TCF3: variants seen among roughly 807,000 people sequenced by gnomAD.
The protein encoded by TCF3 is transcription factor 3, also known as transcription factor E2-alpha.
A neutral mutation model predicts 72.3 loss-of-function variants in TCF3; 54 were observed. The ratio of observed to expected loss-of-function variants is 0.75; its 90% CI spans 0.60 to 0.94. The LOEUF (loss-of-function observed/expected upper bound fraction) is 0.94. TCF3 is among the 40% of genes least tolerant of loss of function. The probability of loss-of-function intolerance (pLI) is 0.00; values close to 1 mark genes in which losing one functional copy is unlikely to be tolerated. For synonymous variants in TCF3, 525 were observed against 412.6 expected (o/e 1.27, Z -3.30); for missense variants, 1,078 against 934.4 (o/e 1.15, Z -2.00).
At chr19:1,637,905 C>T (rs1018293646) in intron 3 of TCF3, among the ~76,000 whole-genome samples, 23 of 151,406 alleles carry the variant, frequency 1.5e-4, no homozygotes, top group African/African-American at 4.8e-4. Flanking sequence ...CGAGACTCCA[C>T]CTCAAAAAAA....
chr19:1,621,477 A>G (rs1417073113), intron 11 of TCF3, among the ~76,000 whole-genome samples: 13 of 126,274 alleles, frequency 1.0e-4, no homozygotes, highest in African/African-American at 2.2e-4. Flanking sequence ...GGGCCTGGGT[A>G]ACTGAGTCCC....
intron 1 of TCF3, chr19:1,650,685 C>T (rs559120020): frequency 8.4e-6 from 2 of 237,874 alleles, no homozygotes; most frequent in African/African-American, 4.4e-5. Context: ...GCCCCCTACC[C>T]CCGGGAAAGG....
chr19:1,621,917 G>A lies in TCF3; in HGVS notation c.876C>T (p.Ser292=), dbSNP rs898195563. ...EVNGGLPSAS[S]FSSAPGATYG... Reference sequence around the variant, plus strand: ...ACGTGGCTCCGGGGGCTGAGGAGAAGGAGGATGCAGATGGGAGCCCACCGT... The same window carrying A: ...ACGTGGCTCCGGGGGCTGAGGAGAAAGAGGATGCAGATGGGAGCCCACCGT... The change falls in exon 11 of 19, where the codon TCC becomes TCT. Residue 292 remains serine, a synonymous_variant. Transcript: ENST00000262965. 8 of 1,603,740 alleles carry A rather than the reference G, an allele frequency of 5.0e-6. No individual in the cohort carries two copies. Among genetic ancestry groups the A allele is most frequent in the Non-Finnish European group, 6.0e-6 (7 of 1,176,402 alleles).
chr19:1,627,658 T>G (rs957769691), intron 5 of TCF3, among the ~76,000 whole-genome samples: 1 of 152,030 alleles, frequency 6.6e-6, no homozygotes, highest in Non-Finnish European at 1.5e-5. Context: ...TCCTGCCCAA[T>G]GACAGGCTTG....
At position 1,619,758 on chromosome 19, in the gene TCF3, G is replaced by C. The variant is rs111738722; in HGVS notation, c.1167+22C>G. ...GCAAATTCTGTCGGGGAAGGGTGGG[G>C]TGGGGCGGGGCAGGCACTCACCAGG... On this transcript the variant is annotated intron_variant, in intron 14 of 18. Transcript: ENST00000262965. 2,009 of 1,541,880 alleles carry C rather than the reference G, an allele frequency of 1.3e-3. 28 individuals are homozygous for C. The African/African-American group carries it at 0.024, about 19-fold the overall frequency.
chr19:1,622,958 G>C (rs2062429621), intron 8 of TCF3, among the ~76,000 whole-genome samples: 1 of 152,190 alleles, frequency 6.6e-6, no homozygotes, highest in East Asian at 1.9e-4. Flanking sequence ...TGCTGGAGCG[G>C]GAAGTATGCT....
intron 3 of TCF3, 30 bp downstream of exon 3, chr19:1,646,325 A>ACGAG (rs2066090186): frequency 1.9e-6 from 3 of 1,548,112 alleles, no homozygotes; most frequent in Middle Eastern, 3.3e-4. Flanking sequence ...TCCTCACTCC[A>ACGAG]CGAGCGCTGG....
intron 3 of TCF3, among the ~76,000 whole-genome samples, chr19:1,637,008 C>A (rs953782581): frequency 5.3e-5 from 8 of 152,196 alleles, no homozygotes; most frequent in Admixed American, 2.6e-4. Context: ...GGTAGAGGCA[C>A]AGTGAGGCTG....
At chr19:1,644,532 A>T (rs1404479535) in intron 3 of TCF3, among the ~76,000 whole-genome samples, 1 of 152,174 alleles carries the variant, frequency 6.6e-6, no homozygotes, top group Non-Finnish European at 1.5e-5. Flanking sequence ...GTGTGAGGGG[A>T]CAAGGCGAGA....
At chr19:1,635,379 A>C (rs1437921988) in intron 3 of TCF3, among the ~76,000 whole-genome samples, 1 of 152,076 alleles carries the variant, frequency 6.6e-6, no homozygotes, top group African/African-American at 2.4e-5. Context: ...TTTAGAAGCA[A>C]AACTTGGCTC....
intron 14 of TCF3, 149 bp downstream of exon 14, chr19:1,619,631 A>G: frequency 7.9e-7 from 1 of 1,265,958 alleles, no homozygotes; most frequent in South Asian, 1.5e-5. Context: ...AGCACACACA[A>G]AATGTGTGTG....
Position 1,652,595 on chromosome 19 carries a change from C to G in TCF3, c.-335G>C, listed in dbSNP as rs1473633693. 2.0e-5 allele frequency: 3 copies of G among 147,954 alleles called. No homozygotes were observed. Among genetic ancestry groups the G allele is most frequent in the African/African-American group, 4.9e-5 (2 of 40,806 alleles). The allele number at this position is 147,954 out of a possible 1,614,324, so 9.2% of individuals were successfully genotyped here. A position where few individuals can be genotyped will look rare whatever the true frequency, so the allele number is the denominator to read the frequency against. On this transcript the variant is annotated 5_prime_UTR_variant, in exon 1 of 19. Transcript: ENST00000262965. ...CAGCCGCCGCCGCTGCCTCATCTTC[C>G]TGCGGCGGGAGACATGTTCCGCCCC...
At chr19:1,626,686 G>A (rs934496165) in intron 6 of TCF3, among the ~76,000 whole-genome samples, 5 of 152,152 alleles carry the variant, frequency 3.3e-5, no homozygotes, top group Non-Finnish European at 5.9e-5. Flanking sequence ...AAATGGGCAC[G>A]TAGGCCGCGG....
Position 1,627,821 on chromosome 19 carries a change from G to A in TCF3, c.299-395C>T, listed in dbSNP as rs566394077. ...GCAGAGCTCACAGGGGGTGAGGCGG[G>A]AAGGGGACAGCAGAGCTCACAGGGG... On this transcript the variant is annotated intron_variant, in intron 5 of 18. Transcript: ENST00000262965. Among the ~76,000 whole-genome samples, 20 of 112,326 alleles carry A rather than the reference G, an allele frequency of 1.8e-4. No homozygotes were observed. The East Asian group carries it at 2.8e-3, about 16-fold the overall frequency. 73.7% of individuals were successfully genotyped at this position (112,326 alleles called of 152,430 possible). A position where few individuals can be genotyped will look rare whatever the true frequency, so the allele number is the denominator to read the frequency against.
intron 5 of TCF3, 61 bp from the exon 6 acceptor site, chr19:1,627,487 GA>G: frequency 6.6e-7 from 1 of 1,506,288 alleles, no homozygotes; most frequent in Non-Finnish European, 9.2e-7. Context: ...GAGGGCCCCC[GA>G]GTGCCTGCCA....
Position 1,621,012 on chromosome 19 carries a change from G to A in TCF3, c.1049C>T (p.Ser350Leu), listed in dbSNP as rs963433488. 10 of 1,521,358 alleles carry A rather than the reference G, an allele frequency of 6.6e-6. No individual in the cohort carries two copies. Among genetic ancestry groups the A allele is most frequent in the African/African-American group, 2.8e-5 (2 of 71,256 alleles). 94.2% of individuals were successfully genotyped at this position (1,521,358 alleles called of 1,614,324 possible). A position where few individuals can be genotyped will look rare whatever the true frequency, so the allele number is the denominator to read the frequency against. ...GCCCACGGGGGTAGAAGGGCTGGAC[G>A]AGAAGTTATTGCTTGAGTGATCCGG... ...YSPDHSSNNF[S>L]SSPSTPVGSP... The change falls in exon 13 of 19, where the codon TCG becomes TTG. Residue 350 changes from serine (S) to leucine (L), a missense_variant. Transcript: ENST00000262965.
chr19:1,618,204 C>CGG (rs2061747781), intron 16 of TCF3, among the ~76,000 whole-genome samples: 1 of 152,110 alleles, frequency 6.6e-6, no homozygotes, highest in Admixed American at 6.5e-5. Flanking sequence ...ATCCCAGAGC[C>CGG]ACCCTGCCTT....
At chr19:1,620,388 C>T (rs572124380) in intron 13 of TCF3, among the ~76,000 whole-genome samples, 1 of 152,290 alleles carries the variant, frequency 6.6e-6, no homozygotes, top group African/African-American at 2.4e-5. Flanking sequence ...CAAGCACGTC[C>T]TCACAGGGAT....
At chr19:1,627,779 G>A (rs1214843771) in intron 5 of TCF3, among the ~76,000 whole-genome samples, 3 of 150,234 alleles carry the variant, frequency 2.0e-5, no homozygotes, top group East Asian at 2.0e-4. Flanking sequence ...CTCACGGGGT[G>A]AGGTGGGAAG....
Sources: gnomAD v4.1 joint callset for allele counts (sites outside exome capture counted in the v4.1 genomes callset) on GRCh38, gnomAD v4.1.1 for gene constraint, MANE v1.5 for transcripts, NCBI Gene and HGNC (gene_info 2026-07-23, HGNC 2026-07-21) for gene names.